The following AKAP19 variants were observed in gnomAD, a reference collection of about 807,000 sequenced individuals.
AKAP19 encodes the protein small A-kinase anchoring protein.
the AKAP19 span, among the ~76,000 whole-genome samples, chr2:189,899,735 C>T: frequency 3.2e-4 from 48 of 152,076 alleles, no homozygotes; most frequent in Middle Eastern, 3.4e-3. Context: ...TCATAGATTA[C>T]CCCTTTGACT....
At chr2:189,957,995 T>C in the AKAP19 span, among the ~76,000 whole-genome samples, 2 of 152,132 alleles carry the variant, frequency 1.3e-5, no homozygotes, top group African/African-American at 4.8e-5. Context: ...GGTTTCACCA[T>C]GTTGGCCAGG....
chr2:190,138,209 G>A, the AKAP19 span, among the ~76,000 whole-genome samples: 14 of 152,180 alleles, frequency 9.2e-5, no homozygotes, highest in Non-Finnish European at 1.8e-4. Flanking sequence ...TACTGATCAT[G>A]ATTTATTTTC....
At chr2:190,173,903 T>C in the AKAP19 span, among the ~76,000 whole-genome samples, 1 of 152,196 alleles carries the variant, frequency 6.6e-6, no homozygotes, top group Non-Finnish European at 1.5e-5. Flanking sequence ...TTTCTTGTTC[T>C]TTACGTCTTC....
the AKAP19 span, among the ~76,000 whole-genome samples, chr2:190,183,061 C>A: frequency 1.3e-3 from 205 of 152,284 alleles, 1 homozygote; most frequent in Admixed American, 6.4e-3. Context: ...AGGACAAGTC[C>A]TTTTACTGTG....
the AKAP19 span, among the ~76,000 whole-genome samples, chr2:190,196,049 T>C: frequency 0.052 from 7,022 of 135,552 alleles, 530 homozygotes; most frequent in African/African-American, 0.18. Context: ...TGATCATCTC[T>C]GCCTTTCAAT....
At chr2:190,106,339 A>G in the AKAP19 span, among the ~76,000 whole-genome samples, 2,865 of 152,236 alleles carry the variant, frequency 0.019, 38 homozygotes, top group Middle Eastern at 0.027. Context: ...CAGCCTTGTA[A>G]AATATATTCA....
the AKAP19 span, among the ~76,000 whole-genome samples, chr2:189,951,078 C>T: frequency 6.6e-6 from 1 of 151,958 alleles, no homozygotes; most frequent in East Asian, 1.9e-4. Context: ...GAGGTATTAC[C>T]TCAGACCTCT....
the AKAP19 span, among the ~76,000 whole-genome samples, chr2:190,111,848 TTGTTTC>T: frequency 1.3e-5 from 2 of 152,232 alleles, no homozygotes; most frequent in East Asian, 1.9e-4. Context: ...ATTATATACT[TTGTTTC>T]TGTTTATTAT....
chr2:190,049,910 T>G, the AKAP19 span, among the ~76,000 whole-genome samples: 78 of 152,360 alleles, frequency 5.1e-4, no homozygotes, highest in Non-Finnish European at 9.4e-4. Flanking sequence ...TTCCTGTATT[T>G]AGAATGTATG....
the AKAP19 span, among the ~76,000 whole-genome samples, chr2:189,945,794 G>A: frequency 1.2e-4 from 19 of 152,178 alleles, no homozygotes; most frequent in South Asian, 2.5e-3. Flanking sequence ...CTTTCATCAG[G>A]AGACTATTTA....
chr2:190,196,891 T>G, the AKAP19 span, among the ~76,000 whole-genome samples: 1 of 152,194 alleles, frequency 6.6e-6, no homozygotes, highest in Admixed American at 6.5e-5. Context: ...TACCAGAGAC[T>G]AGTATGGAGT....
At chr2:190,117,926 A>C in the AKAP19 span, among the ~76,000 whole-genome samples, 1 of 152,178 alleles carries the variant, frequency 6.6e-6, no homozygotes, top group Non-Finnish European at 1.5e-5. Flanking sequence ...CTTTTGGATT[A>C]GGCAAAGCTG....
chr2:190,134,761 T>C, the AKAP19 span, among the ~76,000 whole-genome samples: 1 of 108,108 alleles, frequency 9.3e-6, no homozygotes, highest in Non-Finnish European at 2.0e-5. Flanking sequence ...AGATCTGTTT[T>C]CTTAATCTGC....
the AKAP19 span, among the ~76,000 whole-genome samples, chr2:190,148,490 G>C: frequency 1.2e-4 from 18 of 152,090 alleles, no homozygotes; most frequent in African/African-American, 4.3e-4. Context: ...GTCCTTTCCT[G>C]GTTTTGGTAT....
the AKAP19 span, among the ~76,000 whole-genome samples, chr2:190,030,453 C>T: frequency 6.6e-6 from 1 of 152,200 alleles, no homozygotes; most frequent in African/African-American, 2.4e-5. Flanking sequence ...AGGTTCTGTC[C>T]TTGTTCTCTT....
At chr2:189,918,506 A>G in the AKAP19 span, among the ~76,000 whole-genome samples, 1 of 152,224 alleles carries the variant, frequency 6.6e-6, no homozygotes, top group African/African-American at 2.4e-5. Context: ...AATTTTTAAA[A>G]GAAAATAAGT....
At chr2:190,074,995 G>A in the AKAP19 span, among the ~76,000 whole-genome samples, 1 of 152,064 alleles carries the variant, frequency 6.6e-6, no homozygotes, top group East Asian at 1.9e-4. Context: ...TTGCCGTGAT[G>A]AATTTAAAAT....
the AKAP19 span, among the ~76,000 whole-genome samples, chr2:189,990,291 C>T: frequency 6.6e-6 from 1 of 152,088 alleles, no homozygotes; most frequent in African/African-American, 2.4e-5. Flanking sequence ...AGATTGAGGA[C>T]ACTTTCTTTA....
chr2:190,011,451 CTGTT>C, the AKAP19 span, among the ~76,000 whole-genome samples: 1 of 152,126 alleles, frequency 6.6e-6, no homozygotes, highest in Non-Finnish European at 1.5e-5. Flanking sequence ...TTTTTTCTGT[CTGTT>C]TTTGTTTTTG....
Sources: allele counts gnomAD v4.1 joint callset (sites outside exome capture counted in the v4.1 genomes callset), GRCh38; gene constraint gnomAD v4.1.1; transcripts MANE v1.5; gene names NCBI Gene and HGNC (gene_info 2026-07-23, HGNC 2026-07-21).